Variants in UBE2QL1 observed in about 807,000 individuals in gnomAD.
UBE2QL1 encodes ubiquitin-conjugating enzyme E2Q-like protein 1.
Under a neutral mutation model 12.6 loss-of-function variants are expected in UBE2QL1, and 5 were observed. That is an observed-to-expected ratio of 0.40 (90% confidence interval 0.21 to 0.83). The LOEUF is 0.83. Among genes scored for constraint, UBE2QL1 ranks in the 40% least tolerant of loss-of-function variants. The pLI, the probability that UBE2QL1 is intolerant of heterozygous loss-of-function variation, is 0.37. For missense variants in UBE2QL1, 99 were observed against 222.6 expected, an observed-to-expected ratio of 0.44 and a Z score of 3.53; for synonymous variants, 96 against 94.5, an observed-to-expected ratio of 1.02 and a Z score of -0.10.
intron 1 of UBE2QL1, among the ~76,000 whole-genome samples, chr5:6,474,912 G>A (rs824622): frequency 0.74 from 113,333 of 152,158 alleles, 46,408 homozygotes; most frequent in East Asian, 0.92. Context: ...GCATTGTGCA[G>A]TTTACATCTG....
Position 6,493,832 on chromosome 5 carries a change from C to G in UBE2QL1, c.*2483C>G, listed in dbSNP as rs1476978833. 1 of 152,214 alleles carries G rather than the reference C, an allele frequency of 6.6e-6. No individual in the cohort carries two copies. The highest frequency in any genetic ancestry group is 1.5e-5 in the Non-Finnish European group (1 of 68,066). The allele number at this position is 152,214 out of a possible 1,614,324, so 9.4% of individuals were successfully genotyped here. A position where few individuals can be genotyped will look rare whatever the true frequency, so the allele number is the denominator to read the frequency against. On this transcript the variant is annotated 3_prime_UTR_variant, in exon 2 of 2. Transcript: ENST00000399816. ...CAGCCATGGAGGCACCCTTAGGACA[C>G]TGAGCACAGGCCTGGCTGCCTGTGC...
intron 1 of UBE2QL1, among the ~76,000 whole-genome samples, chr5:6,469,738 C>T (rs1264185161): frequency 3.3e-5 from 5 of 151,992 alleles, no homozygotes; most frequent in Non-Finnish European, 5.9e-5. Context: ...TTTAAATGAT[C>T]TATAGGGACT....
intron 1 of UBE2QL1, among the ~76,000 whole-genome samples, chr5:6,489,312 T>G (rs1174411731): frequency 1.3e-5 from 2 of 151,792 alleles, no homozygotes; most frequent in Non-Finnish European, 1.5e-5. Flanking sequence ...TAGTCCTAGG[T>G]ACTCAGAAGG....
chr5:6,482,614 C>T (rs1410273352), intron 1 of UBE2QL1, among the ~76,000 whole-genome samples: 1 of 151,660 alleles, frequency 6.6e-6, no homozygotes, highest in Non-Finnish European at 1.5e-5. Flanking sequence ...CTCCACAGGG[C>T]TATTCAGCCC....
At chr5:6,453,171 G>T (rs552334572) in intron 1 of UBE2QL1, among the ~76,000 whole-genome samples, 3 of 152,272 alleles carry the variant, frequency 2.0e-5, no homozygotes, top group Admixed American at 1.3e-4. Flanking sequence ...AATCTCCCTG[G>T]TTCTGCTCTT....
At chr5:6,477,582 GA>G (rs1356067422) in intron 1 of UBE2QL1, among the ~76,000 whole-genome samples, 4 of 152,234 alleles carry the variant, frequency 2.6e-5, no homozygotes, top group Admixed American at 2.6e-4. Flanking sequence ...GGTTAAAAGA[GA>G]GACCATTTAG....
intron 1 of UBE2QL1, among the ~76,000 whole-genome samples, chr5:6,487,614 C>T (rs79336178): frequency 6.6e-6 from 1 of 152,088 alleles, no homozygotes; most frequent in South Asian, 2.1e-4. Flanking sequence ...AGACTAGATT[C>T]TTTGATTATT....
Position 6,449,055 on chromosome 5 carries a change from C to T in UBE2QL1, c.162C>T (p.Leu54=). 1 of 1,548,992 alleles carries T rather than the reference C, an allele frequency of 6.5e-7. No homozygotes were observed. Residue 54 remains leucine, a synonymous_variant, in exon 1 of 2, where the codon CTC becomes CTT. Coordinates refer to ENST00000399816, the MANE Select transcript of UBE2QL1 (RefSeq NM_001145161.3). The part of the protein sequence containing the change: ...MKETNTEFIL[L]NLTFPDNFPF... ...AGACCAACACCGAGTTCATCCTGCT[C>T]AACCTCACCTTCCCCGACAACTTCC...
At chr5:6,460,971 A>G (rs1164894883) in intron 1 of UBE2QL1, among the ~76,000 whole-genome samples, 1 of 152,230 alleles carries the variant, frequency 6.6e-6, no homozygotes, top group Non-Finnish European at 1.5e-5. Context: ...GACCCCAGCA[A>G]TTATCACAAG....
intron 1 of UBE2QL1, among the ~76,000 whole-genome samples, chr5:6,451,215 C>T (rs2126317100): frequency 6.7e-6 from 1 of 149,330 alleles, no homozygotes; most frequent in South Asian, 2.1e-4. Context: ...TTGAAAGATG[C>T]GAGAAAACAA....
chr5:6,461,550 C>CCCCCCCCCCT (rs1553987879), intron 1 of UBE2QL1, among the ~76,000 whole-genome samples: 1 of 123,944 alleles, frequency 8.1e-6, no homozygotes, highest in African/African-American at 2.9e-5. Flanking sequence ...ACCACCCCCC[C>CCCCCCCCCCT]CCGCCGGCAT....
intron 1 of UBE2QL1, among the ~76,000 whole-genome samples, chr5:6,452,917 T>A (rs1579285086): frequency 6.6e-6 from 1 of 152,208 alleles, no homozygotes; most frequent in Non-Finnish European, 1.5e-5. Context: ...CTGCTTTCAC[T>A]GTGGCTCACC....
At chr5:6,483,458 ATG>A (rs1325295688) in intron 1 of UBE2QL1, among the ~76,000 whole-genome samples, 2 of 145,572 alleles carry the variant, frequency 1.4e-5, no homozygotes, top group African/African-American at 5.3e-5. Context: ...AAAAAAAAAA[ATG>A]AGGAGCCCAC....
intron 1 of UBE2QL1, among the ~76,000 whole-genome samples, chr5:6,490,654 C>T (rs1362652757): frequency 6.6e-6 from 1 of 152,164 alleles, no homozygotes; most frequent in Non-Finnish European, 1.5e-5. Flanking sequence ...AATAAATTCA[C>T]TAATGGCTCT....
At chr5:6,467,085 A>G (rs1213478542) in intron 1 of UBE2QL1, among the ~76,000 whole-genome samples, 1 of 151,980 alleles carries the variant, frequency 6.6e-6, no homozygotes, top group East Asian at 1.9e-4. Context: ...CTTTTATTTC[A>G]TTGTAGTCCT....
At chr5:6,490,286 G>T (rs552318034) in intron 1 of UBE2QL1, among the ~76,000 whole-genome samples, 9 of 152,336 alleles carry the variant, frequency 5.9e-5, no homozygotes, top group Admixed American at 3.3e-4. Flanking sequence ...TCTTCCATCT[G>T]CTCCTCCCCT....
chr5:6,466,918 A>G (rs1392233277), intron 1 of UBE2QL1, among the ~76,000 whole-genome samples: 2 of 152,064 alleles, frequency 1.3e-5, no homozygotes, highest in Non-Finnish European at 2.9e-5. Context: ...CGTTTGAGAG[A>G]GGTTTGTATT....
Position 6,491,574 on chromosome 5 carries a change from C to T in UBE2QL1, c.*225C>T, listed in dbSNP as rs112312271. ...TTCGATTATAAATGAATGATCACCTCGAAGTCACTTTAGAACACATGTTGA... is the reference window on the plus strand; with the variant it reads ...TTCGATTATAAATGAATGATCACCTTGAAGTCACTTTAGAACACATGTTGA... On this transcript the variant is annotated 3_prime_UTR_variant, in exon 2 of 2. Coordinates refer to ENST00000399816, the MANE Select transcript of UBE2QL1 (RefSeq NM_001145161.3). The T allele has an allele frequency of 8.7e-6, 4 of 460,424 alleles. No individual in the cohort carries two copies. Among genetic ancestry groups the T allele is most frequent in the Non-Finnish European group, 1.4e-5 (4 of 285,302 alleles). The allele number at this position is 460,424 out of a possible 1,614,324, so 28.5% of individuals were successfully genotyped here.
intron 1 of UBE2QL1, among the ~76,000 whole-genome samples, chr5:6,463,690 C>G (rs189759234): frequency 1.4e-5 from 2 of 146,782 alleles, no homozygotes; most frequent in African/African-American, 2.5e-5. Flanking sequence ...TGCAGTGGCG[C>G]GATCTCGGCT....
Sources: allele counts gnomAD v4.1 joint callset (sites outside exome capture counted in the v4.1 genomes callset), GRCh38; gene constraint gnomAD v4.1.1; transcripts MANE v1.5; gene names NCBI Gene and HGNC (gene_info 2026-07-23, HGNC 2026-07-21).